The following C1QTNF3 variants were observed in gnomAD, a reference collection of about 807,000 sequenced individuals.
C1QTNF3 encodes the protein C1q and TNF related 3.
A neutral mutation model predicts 32.6 loss-of-function variants in C1QTNF3; 26 were observed. The ratio of observed to expected loss-of-function variants is 0.80; its 90% CI spans 0.58 to 1.11. The LOEUF (loss-of-function observed/expected upper bound fraction) is 1.11, where lower values mean the gene tolerates loss of function less well. C1QTNF3 is among the 50% of genes least tolerant of loss of function. The pLI is 0.00. For synonymous variants in C1QTNF3, 155 were observed against 146.0 expected, an observed-to-expected ratio of 1.06 and a Z score of -0.44; for missense variants, 362 against 398.2, an observed-to-expected ratio of 0.91 and a Z score of 0.77.
At chr5:34,068,552 G>A in the C1QTNF3 span, among the ~76,000 whole-genome samples, 1 of 152,082 alleles carries the variant, frequency 6.6e-6, no homozygotes, top group Non-Finnish European at 1.5e-5. Flanking sequence ...GAGGGAGAGA[G>A]AGAGAGAGAG....
the C1QTNF3 span, among the ~76,000 whole-genome samples, chr5:34,177,640 C>A: frequency 1.3e-5 from 2 of 152,098 alleles, no homozygotes; most frequent in African/African-American, 2.4e-5. Context: ...GTACATGCCA[C>A]CACACCCAGC....
chr5:34,174,354 G>A, the C1QTNF3 span, among the ~76,000 whole-genome samples: 39 of 152,162 alleles, frequency 2.6e-4, no homozygotes, highest in Non-Finnish European at 4.9e-4. Flanking sequence ...ACTGCACTGA[G>A]CCTACAGCTC....
At chr5:34,033,269 GA>G in intron 3 of C1QTNF3, 34 bp downstream of exon 3, 1 of 1,604,630 alleles carries the variant, frequency 6.2e-7, no homozygotes, top group South Asian at 1.1e-5. Context: ...AGGCAGGTTG[GA>G]AAGCCACCAG....
At chr5:34,071,368 C>A in the C1QTNF3 span, among the ~76,000 whole-genome samples, 1 of 152,014 alleles carries the variant, frequency 6.6e-6, no homozygotes, top group Non-Finnish European at 1.5e-5. Flanking sequence ...AGAAATATTT[C>A]ATCAAAAAGA....
chr5:34,084,817 T>TTA, the C1QTNF3 span, among the ~76,000 whole-genome samples: 134 of 112,684 alleles, frequency 1.2e-3, 17 homozygotes, highest in African/African-American at 5.2e-3. Context: ...TTGTTTTTTT[T>TTA]CTGTGCAGAA....
chr5:34,096,840 G>A, the C1QTNF3 span, among the ~76,000 whole-genome samples: 1 of 151,396 alleles, frequency 6.6e-6, no homozygotes, highest in Admixed American at 6.6e-5. Flanking sequence ...ACCACTCTTT[G>A]TTATCAGCTT....
chr5:34,065,035 C>T, the C1QTNF3 span, among the ~76,000 whole-genome samples: 71 of 152,118 alleles, frequency 4.7e-4, no homozygotes, highest in African/African-American at 1.5e-3. Context: ...AAAATAAAAA[C>T]GACAAGTAGG....
At chr5:34,101,922 CAT>C in the C1QTNF3 span, among the ~76,000 whole-genome samples, 1 of 147,360 alleles carries the variant, frequency 6.8e-6, no homozygotes, top group African/African-American at 2.5e-5. Context: ...GAGACTGAAA[CAT>C]ATTCCAAATG....
At chr5:34,048,659 C>T in the C1QTNF3 span, among the ~76,000 whole-genome samples, 1 of 150,094 alleles carries the variant, frequency 6.7e-6, no homozygotes, top group African/African-American at 2.5e-5. Flanking sequence ...GGGTTAAGGG[C>T]CATTGCTCAG....
At chr5:34,077,432 CAAAACAGTTCTAT>C in the C1QTNF3 span, among the ~76,000 whole-genome samples, 1 of 151,506 alleles carries the variant, frequency 6.6e-6, no homozygotes, top group Non-Finnish European at 1.5e-5. Context: ...ATCAGTTCTA[CAAAACAGTTCTAT>C]AATCTATCCA....
the C1QTNF3 span, among the ~76,000 whole-genome samples, chr5:34,120,044 TA>T: frequency 3.3e-5 from 5 of 152,214 alleles, no homozygotes; most frequent in Non-Finnish European, 1.5e-5. Context: ...GGTATTTGAT[TA>T]AACTTGAGGA....
At chr5:34,139,868 T>C in the C1QTNF3 span, among the ~76,000 whole-genome samples, 1 of 152,232 alleles carries the variant, frequency 6.6e-6, no homozygotes, top group Non-Finnish European at 1.5e-5. Flanking sequence ...TACCGTCTTA[T>C]TTCTGGTCAG....
the C1QTNF3 span, among the ~76,000 whole-genome samples, chr5:34,093,694 A>G: frequency 6.8e-6 from 1 of 147,936 alleles, no homozygotes; most frequent in Non-Finnish European, 1.5e-5. Context: ...TCCTTTACCT[A>G]GTTTATATAT....
At chr5:34,162,830 C>T in the C1QTNF3 span, among the ~76,000 whole-genome samples, 1 of 152,040 alleles carries the variant, frequency 6.6e-6, no homozygotes, top group African/African-American at 2.4e-5. Flanking sequence ...TCTTTCTCCC[C>T]TTAGTATTCA....
At chr5:34,156,642 T>C in the C1QTNF3 span, among the ~76,000 whole-genome samples, 12 of 152,292 alleles carry the variant, frequency 7.9e-5, no homozygotes, top group Non-Finnish European at 1.6e-4. Context: ...AAATTCTAAC[T>C]ACTAATATAC....
the C1QTNF3 span, among the ~76,000 whole-genome samples, chr5:34,217,635 T>C: frequency 2.4e-4 from 36 of 152,270 alleles, no homozygotes; most frequent in Middle Eastern, 3.4e-3. Context: ...TATATCCAGA[T>C]GCAAGGAATG....
At chr5:34,143,870 G>A in the C1QTNF3 span, among the ~76,000 whole-genome samples, 1 of 152,068 alleles carries the variant, frequency 6.6e-6, no homozygotes, top group Non-Finnish European at 1.5e-5. Context: ...GCAACTACAT[G>A]TTCAAGTCTA....
the C1QTNF3 span, among the ~76,000 whole-genome samples, chr5:34,155,878 TG>T: frequency 6.6e-6 from 1 of 152,102 alleles, no homozygotes; most frequent in African/African-American, 2.4e-5. Context: ...TGAGCAAACC[TG>T]TGTACTAAAA....
the C1QTNF3 span, among the ~76,000 whole-genome samples, chr5:34,181,669 A>C: frequency 3.9e-5 from 6 of 152,372 alleles, no homozygotes; most frequent in South Asian, 2.1e-4. Flanking sequence ...GAGTGTGTAG[A>C]AGTCAAAGGC....
Sources: allele counts gnomAD v4.1 joint callset (sites outside exome capture counted in the v4.1 genomes callset), GRCh38; gene constraint gnomAD v4.1.1; transcripts MANE v1.5; gene names NCBI Gene and HGNC (gene_info 2026-07-23, HGNC 2026-07-21).